Variants in SBF2 observed in about 807,000 individuals in gnomAD.
SBF2 encodes SET binding factor 2.
A neutral mutation model predicts 225.2 loss-of-function variants in SBF2; 112 were observed. That is an observed-to-expected ratio of 0.50 (90% CI 0.43 to 0.58). The LOEUF is 0.58. Among genes scored for constraint, SBF2 ranks in the 20% least tolerant of loss-of-function variants. The probability of loss-of-function intolerance (pLI) is 0.00; values close to 1 mark genes in which losing one functional copy is unlikely to be tolerated. For missense variants in SBF2, 1,996 were observed against 2,206.2 expected (o/e 0.90, Z 1.91); for synonymous variants, 763 against 773.3 (o/e 0.99, Z 0.22).
chr11:10,300,525 A>C (rs1469808713), intron 1 of SBF2, among the ~76,000 whole-genome samples: 1 of 151,032 alleles, frequency 6.6e-6, no homozygotes, highest in Non-Finnish European at 1.5e-5. Context: ...ATATATATAA[A>C]TATATATACA....
Position 9,852,759 on chromosome 11 carries a change from G to T in SBF2, c.2537-10C>A. On this transcript the variant is annotated splice_polypyrimidine_tract_variant and intron_variant, in intron 20 of 39. Transcript: ENST00000256190. ...TGCATAGCTACAATTCCTAGGATGA[G>T]TCAGAGTATTCAAAATGAAAGAACA... The T allele has an allele frequency of 6.3e-7, 1 of 1,592,890 alleles. No individual in the cohort carries two copies. Among genetic ancestry groups the T allele is most frequent in the Non-Finnish European group, 8.6e-7 (1 of 1,160,854 alleles).
chr11:10,076,395 G>A (rs1262174673), intron 2 of SBF2, among the ~76,000 whole-genome samples: 1 of 152,202 alleles, frequency 6.6e-6, no homozygotes, highest in Non-Finnish European at 1.5e-5. Context: ...AGAATCTTCA[G>A]ATCAGGACTT....
intron 16 of SBF2, among the ~76,000 whole-genome samples, chr11:9,920,850 C>A (rs1206726046): frequency 6.6e-6 from 1 of 152,062 alleles, no homozygotes; most frequent in African/African-American, 2.4e-5. Flanking sequence ...AGAGAGACCA[C>A]GTCTTTCTAA....
At chr11:10,244,379 T>C (rs1308615435) in intron 1 of SBF2, among the ~76,000 whole-genome samples, 1 of 152,194 alleles carries the variant, frequency 6.6e-6, no homozygotes, top group East Asian at 1.9e-4. Context: ...AGACTGTTCT[T>C]TCCTCATTGT....
chr11:9,907,660 AAAT>A (rs1862219455), intron 16 of SBF2, among the ~76,000 whole-genome samples: 1 of 152,206 alleles, frequency 6.6e-6, no homozygotes, highest in African/African-American at 2.4e-5. Flanking sequence ...TAGGCTTGAC[AAAT>A]AATATCAAGC....
chr11:10,270,678 G>A (rs185256541), intron 1 of SBF2, among the ~76,000 whole-genome samples: 41 of 152,308 alleles, frequency 2.7e-4, no homozygotes, highest in Admixed American at 1.6e-3. Context: ...TAAATGGATA[G>A]ATGCTATAAA....
intron 16 of SBF2, among the ~76,000 whole-genome samples, chr11:9,935,552 A>C (rs1298060424): frequency 6.6e-6 from 1 of 152,238 alleles, no homozygotes; most frequent in African/African-American, 2.4e-5. Context: ...CCTGACTTCA[A>C]ACTATACTAC....
In SBF2 at chr11:10,180,759, T is replaced by C. The variant is rs2135285149; in HGVS notation, c.141+13143A>G. 2.0e-5 allele frequency among the ~76,000 whole-genome samples: 3 copies of C among 152,276 alleles called. No individual in the cohort carries two copies. The Middle Eastern group carries it at 0.01, about 518-fold the overall frequency. On this transcript the variant is annotated intron_variant, in intron 2 of 39. Coordinates refer to ENST00000256190, the MANE Select transcript of SBF2 (RefSeq NM_030962.4). Reference sequence around the variant, plus strand: ...GATCTTGTAGGTATGCTTCATTCTTTTTTCTTTGGTGTTCTGCCTGTCTTC... The same window carrying C: ...GATCTTGTAGGTATGCTTCATTCTTCTTTCTTTGGTGTTCTGCCTGTCTTC...
At chr11:10,262,018 C>T (rs183729265) in intron 1 of SBF2, among the ~76,000 whole-genome samples, 4 of 151,944 alleles carry the variant, frequency 2.6e-5, no homozygotes, top group African/African-American at 7.3e-5. Flanking sequence ...TATCTTAATA[C>T]ATGTTTAAAT....
At chr11:10,194,622 T>C (rs569843451) in intron 1 of SBF2, among the ~76,000 whole-genome samples, 39 of 152,298 alleles carry the variant, frequency 2.6e-4, no homozygotes, top group Non-Finnish European at 5.0e-4. Flanking sequence ...GCGATTCTCC[T>C]GGCTCAGCCT....
chr11:10,039,145 T>G (rs75893533), intron 3 of SBF2, among the ~76,000 whole-genome samples: 1 of 152,032 alleles, frequency 6.6e-6, no homozygotes, highest in East Asian at 1.9e-4. Context: ...TGTCCCTAAG[T>G]TCCCCCTCTT....
chr11:9,815,619 G>A (rs1173399268), intron 29 of SBF2, among the ~76,000 whole-genome samples: 1 of 152,152 alleles, frequency 6.6e-6, no homozygotes, highest in Non-Finnish European at 1.5e-5. Context: ...CAAAGAGAAT[G>A]GCAGAGGGGA....
At chr11:10,039,878 G>A (rs1843675261) in intron 3 of SBF2, among the ~76,000 whole-genome samples, 1 of 151,566 alleles carries the variant, frequency 6.6e-6, no homozygotes, top group African/African-American at 2.4e-5. Flanking sequence ...GTCAAATATG[G>A]GATAATTTGT....
intron 2 of SBF2, among the ~76,000 whole-genome samples, chr11:10,060,810 C>T (rs986920423): frequency 6.6e-6 from 1 of 152,032 alleles, no homozygotes; most frequent in African/African-American, 2.4e-5. Context: ...AGGAGGATCA[C>T]GAGGTTAGGC....
At chr11:10,244,565 T>C (rs1959577326) in intron 1 of SBF2, among the ~76,000 whole-genome samples, 1 of 152,228 alleles carries the variant, frequency 6.6e-6, no homozygotes, top group Non-Finnish European at 1.5e-5. Context: ...CTAGCTTTGT[T>C]GTTCTTGCTC....
At chr11:10,262,513 C>T (rs1480246871) in intron 1 of SBF2, among the ~76,000 whole-genome samples, 1 of 152,148 alleles carries the variant, frequency 6.6e-6, no homozygotes, top group Non-Finnish European at 1.5e-5. Flanking sequence ...AATTATCTTT[C>T]CACAGACATC....
chr11:10,234,111 C>A (rs1289953795), intron 1 of SBF2, among the ~76,000 whole-genome samples: 3 of 152,166 alleles, frequency 2.0e-5, no homozygotes, highest in Non-Finnish European at 2.9e-5. Context: ...ATACAAATAT[C>A]TATTTCTCTC....
intron 13 of SBF2, among the ~76,000 whole-genome samples, chr11:9,986,332 G>A (rs1015547157): frequency 2.0e-5 from 3 of 151,806 alleles, no homozygotes; most frequent in African/African-American, 7.3e-5. Flanking sequence ...CAAAAAGTCT[G>A]AAAGAGCACA....
intron 34 of SBF2, 152 bp from the exon 35 acceptor site, chr11:9,789,494 T>C: frequency 1.6e-6 from 1 of 624,016 alleles, no homozygotes; most frequent in Admixed American, 2.8e-5. Context: ...AAATCATACA[T>C]CAAGATAAAT....
Sources: allele counts gnomAD v4.1 joint callset (sites outside exome capture counted in the v4.1 genomes callset), GRCh38; gene constraint gnomAD v4.1.1; transcripts MANE v1.5; gene names NCBI Gene and HGNC (gene_info 2026-07-23, HGNC 2026-07-21).